The following TMED3 variants were observed in gnomAD, a reference collection of about 807,000 sequenced individuals.
TMED3 encodes transmembrane emp24 domain-containing protein 3.
A neutral mutation model predicts 15.0 loss-of-function variants in TMED3; 9 were observed. The observed-to-expected ratio is 0.60, with a 90% confidence interval of 0.36 to 1.04. The LOEUF (loss-of-function observed/expected upper bound fraction) is 1.04. TMED3 is among the 50% of genes least tolerant of loss of function. TMED3 has a pLI of 0.01. For synonymous variants in TMED3, 117 were observed against 121.4 expected (o/e 0.96, Z 0.24); for missense variants, 267 against 278.9 (o/e 0.96, Z 0.30).
At chr15:79,336,606 A>G (rs1459191203) in intron 2 of TMED3, among the ~76,000 whole-genome samples, 1 of 152,112 alleles carries the variant, frequency 6.6e-6, no homozygotes, top group East Asian at 1.9e-4. Context: ...TGCAGTGAGC[A>G]GAGGTTGCAG....
rs1308387997 is a variant in TMED3, at chr15:79,335,001, G to C, written c.417+20996G>C. On this transcript the variant is annotated intron_variant, in intron 2 of 2. Transcript: ENST00000424155. ...CTGAAATCAAGGGAGGGACACTAAA[G>C]AAAGGCTTGAGAAGACTGTCTGAAA... Among the ~76,000 whole-genome samples, 5 of 152,134 alleles carry C rather than the reference G, an allele frequency of 3.3e-5. No homozygotes were observed. The South Asian group carries it at 1.0e-3, about 31-fold the overall frequency.
intron 2 of TMED3, among the ~76,000 whole-genome samples, chr15:79,321,392 T>C (rs1182608712): frequency 6.6e-6 from 1 of 152,238 alleles, no homozygotes; most frequent in African/African-American, 2.4e-5. Context: ...GTAGTGCCTG[T>C]TTATATATAT....
chr15:79,325,153 A>G (rs2058782924), downstream of TMED3, among the ~76,000 whole-genome samples: 1 of 152,218 alleles, frequency 6.6e-6, no homozygotes, highest in African/African-American at 2.4e-5. Context: ...CTGGATTATT[A>G]TGAGAGATTT....
intron 2 of TMED3, among the ~76,000 whole-genome samples, chr15:79,380,971 G>A (rs1015209281): frequency 6.6e-6 from 1 of 152,122 alleles, no homozygotes; most frequent in African/African-American, 2.4e-5. Context: ...GATGGATAAG[G>A]ATGTGTCTTT....
rs145001674 is a variant in TMED3 at position 79,322,186 on chromosome 15, G to A, written c.626G>A (p.Arg209Gln). The A allele has an allele frequency of 1.5e-5, 24 of 1,613,952 alleles. No individual in the cohort carries two copies. Among genetic ancestry groups the A allele is most frequent in the Admixed American group, 5.0e-5 (3 of 60,000 alleles). ...TTGAAAAGCTTCTTCACAGAAAAAC[G>A]ACCCATCAGCAGGGCAGTCCACTCC... ...LLLKSFFTEKRPISRAVHS is the reference protein window; with the variant it reads ...LLLKSFFTEKQPISRAVHS Residue 209 changes from arginine to glutamine, a missense_variant, in exon 3 of 3, where the codon CGA (arginine) becomes CAA (glutamine). Arg to Gln is a conservative substitution (Grantham distance 43). This residue lies in a region of TMED3 where 139 missense variants were observed against 125.0 expected (regional missense o/e 1.11). Transcript: ENST00000299705.
chr15:79,411,626 A>T lies in TMED3; in HGVS notation c.*122A>T, dbSNP rs1893982103. 6.3e-6 allele frequency: 4 copies of T among 633,542 alleles called. No homozygotes were observed. In the South Asian group the frequency reaches 6.9e-5, roughly 11 times the overall value. The allele number at this position is 633,542 out of a possible 1,614,324, so 39.2% of individuals were successfully genotyped here. A position where few individuals can be genotyped will look rare whatever the true frequency, so the allele number is the denominator to read the frequency against. The stretch of plus-strand genomic sequence containing the variant: ...TGGGACTAGCTCCTGGTCCCCAGTG[A>T]CTCCAGGGGAACAGGTGAGTTAAAC... On this transcript the variant is annotated 3_prime_UTR_variant, in exon 3 of 3. Transcript: ENST00000424155.
intron 2 of TMED3, among the ~76,000 whole-genome samples, chr15:79,364,265 G>A (rs907886573): frequency 6.6e-6 from 1 of 152,116 alleles, no homozygotes; most frequent in African/African-American, 2.4e-5. Flanking sequence ...TGTGCATGTG[G>A]GCTCTTAGTC....
At chr15:79,380,070 G>C (rs1893493644) in intron 2 of TMED3, among the ~76,000 whole-genome samples, 1 of 152,256 alleles carries the variant, frequency 6.6e-6, no homozygotes, top group Middle Eastern at 3.4e-3. Context: ...ACTAAGATGT[G>C]CAGGTCCTTG....
intron 2 of TMED3, among the ~76,000 whole-genome samples, chr15:79,375,406 C>G (rs1893406837): frequency 6.6e-6 from 1 of 152,132 alleles, no homozygotes; most frequent in African/African-American, 2.4e-5. Flanking sequence ...GGCCAAATTC[C>G]ACTGTCATCT....
chr15:79,404,716 T>C lies in TMED3; in HGVS notation c.418-6684T>C, dbSNP rs573135983. ...CGCTACCCAGAAGTTTATGTGTGGTTTTACTTCATCCCACTTCTCCTTCCA... is the reference window on the plus strand; with the variant it reads ...CGCTACCCAGAAGTTTATGTGTGGTCTTACTTCATCCCACTTCTCCTTCCA... On this transcript the variant is annotated intron_variant, in intron 2 of 2. Transcript: ENST00000424155. Among the ~76,000 whole-genome samples, 3 of 152,336 alleles carry C rather than the reference T, an allele frequency of 2.0e-5. No individual in the cohort carries two copies. The South Asian group carries it at 6.2e-4, about 32-fold the overall frequency.
intron 2 of TMED3, among the ~76,000 whole-genome samples, chr15:79,328,528 C>G (rs567477479): frequency 6.6e-6 from 1 of 152,174 alleles, no homozygotes; most frequent in Non-Finnish European, 1.5e-5. Flanking sequence ...GCCAGCCCCC[C>G]AAAATGGGCT....
At chr15:79,348,937 C>G (rs2058881053) in intron 2 of TMED3, among the ~76,000 whole-genome samples, 1 of 152,148 alleles carries the variant, frequency 6.6e-6, no homozygotes, top group Non-Finnish European at 1.5e-5. Context: ...GTGGGTGATC[C>G]TCCCACCTCG....
chr15:79,339,804 G>A (rs1057480255), intron 2 of TMED3, among the ~76,000 whole-genome samples: 1 of 150,944 alleles, frequency 6.6e-6, no homozygotes, highest in Admixed American at 6.6e-5. Context: ...TGGTGGTGAT[G>A]GTGTGAATGT....
At chr15:79,398,411 C>G (rs28848517) in intron 2 of TMED3, among the ~76,000 whole-genome samples, 3,427 of 151,348 alleles carry the variant, frequency 0.023, 141 homozygotes, top group African/African-American at 0.08. Flanking sequence ...GATCTGCCTG[C>G]CCCAGCCTCC....
At chr15:79,374,160 C>A in intron 2 of TMED3, among the ~76,000 whole-genome samples, 1 of 152,146 alleles carries the variant, frequency 6.6e-6, no homozygotes, top group East Asian at 1.9e-4. Context: ...CAAAATATGT[C>A]AAATAAATAT....
At chr15:79,312,734 C>T (rs984671854) in intron 1 of TMED3, among the ~76,000 whole-genome samples, 1 of 152,210 alleles carries the variant, frequency 6.6e-6, no homozygotes, top group Non-Finnish European at 1.5e-5. Flanking sequence ...CCACCGCTGA[C>T]ACTCAGAAAT....
At chr15:79,316,071 A>G (rs2058739131) in intron 2 of TMED3, 1 of 152,234 alleles carries the variant, frequency 6.6e-6, no homozygotes, top group African/African-American at 2.4e-5. Flanking sequence ...AGCGCTTTTT[A>G]TCTTGCTTGG....
intron 2 of TMED3, among the ~76,000 whole-genome samples, chr15:79,395,858 T>C (rs1893756109): frequency 6.6e-6 from 1 of 152,258 alleles, no homozygotes; most frequent in African/African-American, 2.4e-5. Flanking sequence ...TTTCTCCTAA[T>C]TGATACTATG....
chr15:79,313,915 C>T lies in TMED3; in HGVS notation c.327C>T (p.Phe109=). The T allele has an allele frequency of 6.2e-7, 1 of 1,614,236 alleles. No individual in the cohort carries two copies. The highest frequency in any genetic ancestry group is 1.1e-5 in the South Asian group (1 of 91,080). Residue 109 remains phenylalanine, a synonymous_variant, in exon 2 of 3, where the codon TTC becomes TTT. Coordinates refer to ENST00000299705, the MANE Select transcript of TMED3 (RefSeq NM_007364.4). ...QFCFSNEFST[F]SHKTVYFDFQ... is the part of the protein sequence containing the mutation. ...GCTTCAGTAATGAGTTTTCCACCTT[C>T]TCTCACAAGACCGTCTACTTTGACT...
Sources: allele counts gnomAD v4.1 joint callset (sites outside exome capture counted in the v4.1 genomes callset), GRCh38; gene constraint gnomAD v4.1.1; regional missense constraint gnomAD v4.1.1; transcripts MANE v1.5; gene names NCBI Gene and HGNC (gene_info 2026-07-23, HGNC 2026-07-21).